Variants in NELL2 observed in about 807,000 individuals in gnomAD.
The protein encoded by NELL2 is neural EGFL like 2.
In NELL2, 41 loss-of-function variants were observed where a neutral mutation model predicts 109.6. The observed-to-expected ratio is 0.37, with a 90% CI of 0.29 to 0.49. NELL2 has a LOEUF of 0.49. NELL2 is among the 20% of genes least tolerant of loss of function. The probability of loss-of-function intolerance (pLI) is 0.98; values close to 1 mark genes in which losing one functional copy is unlikely to be tolerated. For synonymous variants in NELL2, 355 were observed against 344.7 expected, an observed-to-expected ratio of 1.03 and a Z score of -0.33; for missense variants, 900 against 1,008.3, an observed-to-expected ratio of 0.89 and a Z score of 1.45.
intron 3 of NELL2, among the ~76,000 whole-genome samples, chr12:44,781,413 A>G (rs1941953922): frequency 6.6e-6 from 1 of 152,128 alleles, no homozygotes; most frequent in Admixed American, 6.6e-5. Context: ...CAAAAGATCT[A>G]ACATTTGTAT....
intron 13 of NELL2, among the ~76,000 whole-genome samples, chr12:44,650,265 T>C (rs1262205133): frequency 1.3e-5 from 2 of 151,876 alleles, no homozygotes; most frequent in Non-Finnish European, 2.9e-5. Flanking sequence ...CTGCCTGTTG[T>C]GGACTGAATG....
At chr12:44,662,148 A>T (rs193016015) in intron 13 of NELL2, among the ~76,000 whole-genome samples, 6 of 152,332 alleles carry the variant, frequency 3.9e-5, no homozygotes, top group Admixed American at 3.9e-4. Flanking sequence ...AGTCATTTCC[A>T]CAACTTTGGA....
intron 9 of NELL2, among the ~76,000 whole-genome samples, chr12:44,757,467 C>T (rs1940939775): frequency 6.6e-6 from 1 of 152,128 alleles, no homozygotes; most frequent in Admixed American, 6.6e-5. Context: ...CACTGCTTCT[C>T]TCCCCATCCT....
intron 13 of NELL2, among the ~76,000 whole-genome samples, chr12:44,661,318 C>A (rs1016417754): frequency 6.6e-6 from 1 of 152,206 alleles, no homozygotes; most frequent in African/African-American, 2.4e-5. Context: ...TTGGGTCACC[C>A]ATCTGGGACT....
chr12:44,562,573 T>C (rs995255536), intron 15 of NELL2, among the ~76,000 whole-genome samples: 1 of 152,136 alleles, frequency 6.6e-6, no homozygotes, highest in African/African-American at 2.4e-5. Context: ...AAAAAGCTCA[T>C]CATCACTGGT....
intron 9 of NELL2, among the ~76,000 whole-genome samples, chr12:44,742,878 C>T (rs1940078320): frequency 6.6e-6 from 1 of 152,174 alleles, no homozygotes; most frequent in Non-Finnish European, 1.5e-5. Flanking sequence ...AAACACGATG[C>T]AGGATATTAT....
chr12:44,849,848 A>G (rs1408912702), intron 2 of NELL2, among the ~76,000 whole-genome samples: 1 of 152,188 alleles, frequency 6.6e-6, no homozygotes. Flanking sequence ...AACATAAATA[A>G]ATTTAAAGAT....
intron 2 of NELL2, among the ~76,000 whole-genome samples, chr12:44,826,171 T>C (rs1449821157): frequency 6.6e-6 from 1 of 152,168 alleles, no homozygotes; most frequent in Non-Finnish European, 1.5e-5. Flanking sequence ...TTAAAAAGTA[T>C]CACTACAACT....
At chr12:44,657,631 T>C (rs35934410) in intron 13 of NELL2, among the ~76,000 whole-genome samples, 24,799 of 151,998 alleles carry the variant, frequency 0.16, 2,099 homozygotes, top group East Asian at 0.23. Context: ...CCTCCCCTAG[T>C]CCCCTACCCC....
At chr12:44,811,359 AT>A (rs1331656413) in intron 3 of NELL2, among the ~76,000 whole-genome samples, 5 of 150,550 alleles carry the variant, frequency 3.3e-5, no homozygotes, top group African/African-American at 1.2e-4. Flanking sequence ...AAAAAAAAAA[AT>A]TAAAGACATT....
intron 1 of NELL2, among the ~76,000 whole-genome samples, chr12:44,888,310 G>T (rs1226836676): frequency 6.6e-6 from 1 of 150,638 alleles, no homozygotes; most frequent in African/African-American, 2.4e-5. Flanking sequence ...GATTACTTTA[G>T]CTATTTGAGG....
At chr12:44,562,965 A>G (rs1592124443) in intron 15 of NELL2, among the ~76,000 whole-genome samples, 1 of 152,208 alleles carries the variant, frequency 6.6e-6, no homozygotes, top group Non-Finnish European at 1.5e-5. Context: ...GCACATATAT[A>G]CCACTGAATA....
Position 44,875,925 on chromosome 12 carries a change from A to C in NELL2, c.-56T>G. Reference sequence around the variant, plus strand: ...TCTTTAAAAATAAAAATAAAAATCGAAGAGGTTCTTGGAATCAAGCGGGAA... The same window carrying C: ...TCTTTAAAAATAAAAATAAAAATCGCAGAGGTTCTTGGAATCAAGCGGGAA... On this transcript the variant is annotated 5_prime_UTR_variant, in exon 1 of 20. Coordinates refer to ENST00000429094, the MANE Select transcript of NELL2 (RefSeq NM_001145108.2). 6.2e-7 allele frequency: 1 copy of C among 1,610,990 alleles called. No individual in the cohort carries two copies. The highest frequency in any genetic ancestry group is 1.1e-5 in the South Asian group (1 of 91,064).
At chr12:44,703,202 A>G (rs1432968914) in intron 12 of NELL2, among the ~76,000 whole-genome samples, 1 of 152,218 alleles carries the variant, frequency 6.6e-6, no homozygotes, top group East Asian at 1.9e-4. Context: ...AGAATAAACT[A>G]TCTTGGATAT....
At position 44,653,048 on chromosome 12, in the gene NELL2, T is replaced by A. The variant is rs574957049; in HGVS notation, c.1444+12436A>T. On this transcript the variant is annotated intron_variant, in intron 13 of 19. Coordinates refer to ENST00000429094, the MANE Select transcript of NELL2 (RefSeq NM_001145108.2). ...CTCATTTCAAGGTCCTTAACCTTAA[T>A]CATATCTGAAAAATCCCTTGTGCCA... is the stretch of plus-strand genomic sequence containing the variant. 2.6e-5 allele frequency among the ~76,000 whole-genome samples: 4 copies of A among 152,312 alleles called. No homozygotes were observed. In the East Asian group the frequency reaches 7.7e-4, roughly 29 times the overall value.
intron 9 of NELL2, among the ~76,000 whole-genome samples, chr12:44,744,709 T>A (rs551833723): frequency 4.2e-4 from 64 of 152,232 alleles, no homozygotes; most frequent in African/African-American, 1.5e-3. Flanking sequence ...CTAGAAGAAA[T>A]GGATAAATTC....
chr12:44,757,114 A>C (rs1436533221), intron 9 of NELL2, among the ~76,000 whole-genome samples: 2 of 152,140 alleles, frequency 1.3e-5, no homozygotes, highest in African/African-American at 4.8e-5. Context: ...TGAAATATGA[A>C]ATTCATCCAT....
intron 12 of NELL2, among the ~76,000 whole-genome samples, chr12:44,677,160 T>C (rs1394342585): frequency 6.6e-6 from 1 of 152,104 alleles, no homozygotes; most frequent in Non-Finnish European, 1.5e-5. Flanking sequence ...ATGCGAAGAA[T>C]GTTGGAAATT....
chr12:44,844,310 G>GA (rs915309976), intron 2 of NELL2, among the ~76,000 whole-genome samples: 16 of 152,026 alleles, frequency 1.1e-4, no homozygotes, highest in African/African-American at 3.6e-4. Flanking sequence ...CAAAAGAAGA[G>GA]AAAAAACAAG....
Sources: allele counts gnomAD v4.1 joint callset (sites outside exome capture counted in the v4.1 genomes callset), GRCh38; gene constraint gnomAD v4.1.1; transcripts MANE v1.5; gene names NCBI Gene and HGNC (gene_info 2026-07-23, HGNC 2026-07-21).